The following DPY30 variants were observed in gnomAD, a reference collection of about 807,000 sequenced individuals.
DPY30 encodes dpy-30 histone methyltransferase complex regulatory subunit, also known as protein dpy-30 homolog.
A neutral mutation model predicts 16.2 loss-of-function variants in DPY30; 6 were observed. The observed-to-expected ratio is 0.37, with a 90% confidence interval of 0.20 to 0.73. The LOEUF is 0.73. DPY30 is among the 30% of genes least tolerant of loss of function. The probability of loss-of-function intolerance (pLI) is 0.51; values close to 1 mark genes in which losing one functional copy is unlikely to be tolerated. For missense variants in DPY30, 73 were observed against 113.1 expected (o/e 0.65, Z 1.61); for synonymous variants, 39 against 38.8 (o/e 1.00, Z -0.02).
At chr2:32,022,039 G>A (rs570650097), downstream of DPY30, among the ~76,000 whole-genome samples, 151 of 151,934 alleles carry the variant, frequency 9.9e-4, 1 homozygote, top group Middle Eastern at 0.014. Context: ...GTGAAACCCC[G>A]TCTCTACTAA....
intron 5 of DPY30, among the ~76,000 whole-genome samples, chr2:32,012,405 CCT>C (rs1047824603): frequency 8.8e-5 from 13 of 148,364 alleles, no homozygotes; most frequent in Middle Eastern, 3.5e-3. Flanking sequence ...GTATCCAAAA[CCT>C]CTCTCTTTTT....
chr2:32,022,336 A>C (rs1467813670), downstream of DPY30, among the ~76,000 whole-genome samples: 1 of 152,106 alleles, frequency 6.6e-6, no homozygotes, highest in Non-Finnish European at 1.5e-5. Context: ...ACTTATGAAA[A>C]CTACTATATA....
chr2:32,020,441 C>T (rs1023442911), downstream of DPY30, among the ~76,000 whole-genome samples: 3 of 152,018 alleles, frequency 2.0e-5, no homozygotes, highest in Admixed American at 6.6e-5. Flanking sequence ...GAGCTTAGGG[C>T]TTCAAGGTTG....
chr2:32,012,433 T>C (rs1038035056), intron 5 of DPY30, among the ~76,000 whole-genome samples: 73 of 131,618 alleles, frequency 5.5e-4, no homozygotes, highest in African/African-American at 2.0e-3. Context: ...TTTTTTTTTT[T>C]TTTTTTTTTT....
At chr2:32,026,858 A>G (rs975078109) in intron 4 of DPY30, among the ~76,000 whole-genome samples, 1 of 151,824 alleles carries the variant, frequency 6.6e-6, no homozygotes, top group Non-Finnish European at 1.5e-5. Context: ...TTTCTAATAT[A>G]TTAGTCTTCC....
intron 3 of DPY30, among the ~76,000 whole-genome samples, chr2:32,038,228 C>T (rs895039333): frequency 6.1e-5 from 9 of 148,386 alleles, no homozygotes; most frequent in Non-Finnish European, 1.2e-4. Context: ...CTCCACCTCT[C>T]GGGTTCAAGC....
chr2:32,038,137 T>C, intron 3 of DPY30, among the ~76,000 whole-genome samples: 1 of 118,090 alleles, frequency 8.5e-6, no homozygotes, highest in African/African-American at 3.2e-5. Flanking sequence ...TTTTCTTTCT[T>C]TTTTTTTTTT....
intron 4 of DPY30, among the ~76,000 whole-genome samples, chr2:32,024,965 A>T (rs1675276153): frequency 6.6e-6 from 1 of 152,232 alleles, no homozygotes; most frequent in Admixed American, 6.6e-5. Flanking sequence ...TCTTGCTGAG[A>T]ATACAAGTCC....
intron 3 of DPY30, among the ~76,000 whole-genome samples, chr2:32,035,894 A>G (rs1261035323): frequency 6.7e-6 from 1 of 150,320 alleles, no homozygotes; most frequent in African/African-American, 2.4e-5. Flanking sequence ...AGATCACGCC[A>G]TTGCACTCCA....
At chr2:32,018,837 G>A (rs181283831) in intron 5 of DPY30, among the ~76,000 whole-genome samples, 8 of 151,956 alleles carry the variant, frequency 5.3e-5, no homozygotes, top group African/African-American at 1.9e-4. Context: ...TGGGCAACAT[G>A]GTGAAATCCT....
chr2:32,016,969 G>A (rs182989944), intron 5 of DPY30, among the ~76,000 whole-genome samples: 13 of 151,972 alleles, frequency 8.6e-5, no homozygotes, highest in African/African-American at 2.2e-4. Context: ...TGCAGCCTCC[G>A]CCTCCCGGGT....
chr2:32,036,574 G>C (rs1675747521), intron 3 of DPY30, among the ~76,000 whole-genome samples: 1 of 151,926 alleles, frequency 6.6e-6, no homozygotes, highest in Non-Finnish European at 1.5e-5. Context: ...AGGAGGCTGA[G>C]GCAGGAGAAT....
chr2:32,017,282 A>G (rs889626699), intron 5 of DPY30, among the ~76,000 whole-genome samples: 1 of 152,200 alleles, frequency 6.6e-6, no homozygotes, highest in Non-Finnish European at 1.5e-5. Flanking sequence ...AATAATGCCC[A>G]TGAATAAACT....
rs538066030 is a variant in DPY30, at chr2:32,028,337, A to T, written c.227+1257T>A. Among the ~76,000 whole-genome samples, 8 of 152,236 alleles carry T rather than the reference A, an allele frequency of 5.3e-5. No individual in the cohort carries two copies. The South Asian group carries it at 1.4e-3, about 28-fold the overall frequency. On this transcript the variant is annotated intron_variant, in intron 4 of 4. Coordinates refer to ENST00000342166, the MANE Select transcript of DPY30 (RefSeq NM_001321209.2). The stretch of plus-strand genomic sequence containing the variant: ...TCAAGTTATGTCAGTTTGCTATTAT[A>T]ATGTTTATTATTATTCCTTGAATAA...
chr2:32,019,423 G>C (rs570498774), downstream of DPY30, among the ~76,000 whole-genome samples: 1 of 152,214 alleles, frequency 6.6e-6, no homozygotes, highest in South Asian at 2.1e-4. Context: ...TAAGATGAGA[G>C]ACCGGCTTGA....
chr2:32,032,764 G>A (rs780940230), intron 3 of DPY30, among the ~76,000 whole-genome samples: 2 of 152,134 alleles, frequency 1.3e-5, no homozygotes, highest in South Asian at 2.1e-4. Flanking sequence ...TTAGGAGGCC[G>A]AGGCAGCTGG....
At chr2:32,028,263 A>C (rs1675408451) in intron 4 of DPY30, among the ~76,000 whole-genome samples, 1 of 151,820 alleles carries the variant, frequency 6.6e-6, no homozygotes, top group South Asian at 2.1e-4. Context: ...ACTAAGGCAT[A>C]CCCCACCACA....
chr2:32,015,510 A>G (rs998623624), intron 5 of DPY30, among the ~76,000 whole-genome samples: 4 of 152,012 alleles, frequency 2.6e-5, no homozygotes, highest in Non-Finnish European at 5.9e-5. Context: ...TTTTTTCCAT[A>G]TTTATTAATA....
At chr2:32,023,393 G>C, downstream of DPY30, 2 of 465,722 alleles carry the variant, frequency 4.3e-6, no homozygotes, top group South Asian at 3.1e-5. Flanking sequence ...CACATTGGTA[G>C]AACAGGATTT....
Sources: gnomAD v4.1 joint callset for allele counts (sites outside exome capture counted in the v4.1 genomes callset) on GRCh38, gnomAD v4.1.1 for gene constraint, MANE v1.5 for transcripts, NCBI Gene and HGNC (gene_info 2026-07-23, HGNC 2026-07-21) for gene names.